CALCOCO2: variants seen among roughly 807,000 people sequenced by gnomAD.
CALCOCO2 encodes the protein calcium-binding and coiled-coil domain-containing protein 2.
CALCOCO2 carries 42 observed loss-of-function variants against 62.5 expected under a neutral mutation model. That is an observed-to-expected ratio of 0.67 (90% CI 0.53 to 0.87). CALCOCO2 has a LOEUF of 0.87. Ranked by LOEUF, CALCOCO2 falls within the 40% of genes least tolerant of loss-of-function variation. The pLI, the probability that CALCOCO2 is intolerant of heterozygous loss-of-function variation, is 0.00. For synonymous variants in CALCOCO2, 167 were observed against 173.0 expected (o/e 0.97, Z 0.27); for missense variants, 456 against 515.0 (o/e 0.89, Z 1.11).
At chr17:48,861,193 C>A (rs1436420590) in intron 11 of CALCOCO2, among the ~76,000 whole-genome samples, 1 of 151,996 alleles carries the variant, frequency 6.6e-6, no homozygotes, top group Non-Finnish European at 1.5e-5. Flanking sequence ...CGTGGTGAAA[C>A]CCTGTCTCTA....
At chr17:48,844,400 C>T (rs1287892500) in intron 2 of CALCOCO2, among the ~76,000 whole-genome samples, 3 of 151,954 alleles carry the variant, frequency 2.0e-5, no homozygotes, top group Admixed American at 6.6e-5. Flanking sequence ...TGTATTCCCC[C>T]AAGCGCTTAG....
intron 1 of CALCOCO2, among the ~76,000 whole-genome samples, chr17:48,834,956 G>A (rs777000616): frequency 3.9e-5 from 6 of 152,114 alleles, no homozygotes; most frequent in Non-Finnish European, 7.4e-5. Flanking sequence ...TTGAGGTGGA[G>A]GGTCACTTGA....
At chr17:48,859,876 C>T (rs1245285848) in intron 10 of CALCOCO2, among the ~76,000 whole-genome samples, 1 of 152,148 alleles carries the variant, frequency 6.6e-6, no homozygotes, top group African/African-American at 2.4e-5. Flanking sequence ...GGGCGGATCA[C>T]TTGTGGTCAG....
intron 2 of CALCOCO2, 178 bp from the exon 3 acceptor site, chr17:48,847,886 C>G (rs1312765164): frequency 1.9e-6 from 1 of 529,974 alleles, no homozygotes; most frequent in African/African-American, 2.0e-5. Flanking sequence ...AACTACTGAG[C>G]TCAGGCAATC....
rs182432184 is a variant in CALCOCO2, at chr17:48,858,814, G to C, written c.1009-1500G>C. Among the ~76,000 whole-genome samples the C allele has an allele frequency of 1.8e-4, 28 of 151,854 alleles. No homozygotes were observed. The East Asian group carries it at 5.4e-3, about 30-fold the overall frequency. On this transcript the variant is annotated intron_variant, in intron 10 of 12. Coordinates refer to ENST00000258947, the MANE Select transcript of CALCOCO2 (RefSeq NM_005831.5). ...TCACGCCTGTAATCCCAGCACTTTG[G>C]GAGGCCGAGGCGGGTGGATCACGAG...
In CALCOCO2 at chr17:48,864,466, A is replaced by C. The variant is rs1441657638; in HGVS notation, c.*1461A>C. Reference sequence around the variant, plus strand: ...AACTAAGTTCAATGCGCTCTATCCAAATTTGCCTAATTGAACTATAAGAAA... The same window carrying C: ...AACTAAGTTCAATGCGCTCTATCCACATTTGCCTAATTGAACTATAAGAAA... On this transcript the variant is annotated 3_prime_UTR_variant, in exon 13 of 13. Transcript: ENST00000258947. 1 of 154,116 alleles carries C rather than the reference A, an allele frequency of 6.5e-6. No homozygotes were observed. The highest frequency in any genetic ancestry group is 2.4e-5 in the African/African-American group (1 of 41,508). 9.5% of individuals were successfully genotyped at this position (154,116 alleles called of 1,614,324 possible).
intron 4 of CALCOCO2, 108 bp from the exon 5 acceptor site, chr17:48,849,144 A>C: frequency 2.1e-6 from 2 of 966,526 alleles, no homozygotes; most frequent in South Asian, 1.5e-5. Context: ...TGGGATACAT[A>C]GGTGTCACTG....
At chr17:48,845,379 G>C (rs879368553) in intron 2 of CALCOCO2, among the ~76,000 whole-genome samples, 2,119 of 72,100 alleles carry the variant, frequency 0.029, 77 homozygotes, top group East Asian at 0.095. Context: ...CACTGTGTGT[G>C]TGTGTGTGTG....
intron 12 of CALCOCO2, 66 bp from the exon 13 acceptor site, chr17:48,862,772 C>T: frequency 7.5e-7 from 1 of 1,335,062 alleles, no homozygotes; most frequent in Non-Finnish European, 1.1e-6. Context: ...CAGTGGAAGA[C>T]AGGATGGCCA....
Position 48,847,817 on chromosome 17 carries a change from A to T in CALCOCO2, c.181-247A>T, listed in dbSNP as rs988586011. 39 of 326,582 alleles carry T rather than the reference A, an allele frequency of 1.2e-4. No individual in the cohort carries two copies. In the East Asian group the frequency reaches 2.8e-3, roughly 23 times the overall value. The allele number at this position is 326,582 out of a possible 1,614,324, so 20.2% of individuals were successfully genotyped here. A position where few individuals can be genotyped will look rare whatever the true frequency, so the allele number is the denominator to read the frequency against. The stretch of plus-strand genomic sequence containing the variant: ...ATTACAGGCGCACACCACCGTGCCA[A>T]CTTATTTTTTGTATTTTAATGGAGA... On this transcript the variant is annotated intron_variant, in intron 2 of 12. Transcript: ENST00000258947.
chr17:48,856,039 G>A (rs773952651), intron 9 of CALCOCO2, 53 bp from the exon 10 acceptor site: 43 of 883,714 alleles, frequency 4.9e-5, no homozygotes, highest in South Asian at 2.5e-4. Context: ...TTCTCACCTT[G>A]TACCCAGACT....
intron 10 of CALCOCO2, among the ~76,000 whole-genome samples, chr17:48,856,949 C>A (rs2040225148): frequency 6.9e-6 from 1 of 145,908 alleles, no homozygotes; most frequent in African/African-American, 2.5e-5. Context: ...TAGGCATATG[C>A]CACCATGCCC....
At chr17:48,856,739 T>G in intron 10 of CALCOCO2, 1 of 408,128 alleles carries the variant, frequency 2.5e-6, no homozygotes, top group Non-Finnish European at 4.9e-6. Context: ...ATAAAGTGGT[T>G]GTACTTGAAG....
chr17:48,862,296 C>A lies in CALCOCO2; in HGVS notation c.1165C>A (p.Pro389Thr), dbSNP rs10278. 1.1e-5 allele frequency: 17 copies of A among 1,584,712 alleles called. No homozygotes were observed. The Admixed American group carries it at 2.0e-4, about 19-fold the overall frequency. ...PYSGIQESSSPSPLSIKKCPI... is the reference protein window; with the variant it reads ...PYSGIQESSSTSPLSIKKCPI... ...TTCAGGTATCCAAGAAAGTTCTTCC[C>A]CCAGCCCGGTAAGTATTTGATTCAT... is the stretch of plus-strand genomic sequence containing the variant. The change falls in exon 12 of 13, where the codon CCC (proline) becomes ACC (threonine). Residue 389 changes from proline (P) to threonine (T), a missense_variant. Around this residue, in one of 3 missense-constraint regions of CALCOCO2, gnomAD observed 172 missense variants for 210.3 expected, o/e 0.82. Transcript: ENST00000258947.
Position 48,852,712 on chromosome 17 carries a change from C to A in CALCOCO2, c.825+84C>A, listed in dbSNP as rs2040152615. Reference sequence around the variant, plus strand: ...TTTGTATAAAGAACATTTTAATGTTCTTTAATATACCTGGATGTCACTGGC... The same window carrying A: ...TTTGTATAAAGAACATTTTAATGTTATTTAATATACCTGGATGTCACTGGC... On this transcript the variant is annotated intron_variant, in intron 8 of 12. Transcript: ENST00000258947. 4 of 1,315,818 alleles carry A rather than the reference C, an allele frequency of 3.0e-6. No individual in the cohort carries two copies. The South Asian group carries it at 5.1e-5, about 17-fold the overall frequency. The allele number at this position is 1,315,818 out of a possible 1,614,324, so 81.5% of individuals were successfully genotyped here.
chr17:48,862,885 T>A lies in CALCOCO2; in HGVS notation c.1221T>A (p.Asp407Glu), dbSNP rs775019668. The A allele has an allele frequency of 6.2e-7, 1 of 1,614,132 alleles. No individual in the cohort carries two copies. The highest frequency in any genetic ancestry group is 2.2e-5 in the East Asian group (1 of 44,880). Residue 407 changes from aspartate to glutamate, a missense_variant, in exon 13 of 13, where the codon GAT (aspartate) becomes GAA (glutamate). Asp to Glu is a conservative substitution (Grantham distance 45, BLOSUM62 2). Coordinates refer to ENST00000258947, the MANE Select transcript of CALCOCO2 (RefSeq NM_005831.5). ...TCTGCAAAGCAGATGATATTTGTGA[T>A]CACACCTTGGAGCAACAGCAGATGC... ...CPICKADDIC[D>E]HTLEQQQMQP... is the part of the protein sequence containing the mutation.
intron 2 of CALCOCO2, chr17:48,846,375 A>T: frequency 2.9e-6 from 2 of 680,108 alleles, no homozygotes; most frequent in Admixed American, 5.2e-5. Context: ...ATGGAGCCTA[A>T]AGCAGGAAGC....
intron 11 of CALCOCO2, among the ~76,000 whole-genome samples, chr17:48,861,661 G>GTGTATATA (rs573456839): frequency 7.4e-6 from 1 of 135,152 alleles, no homozygotes; most frequent in African/African-American, 2.9e-5. Context: ...ATGTGTGTGT[G>GTGTATATA]TATATATATA....
intron 2 of CALCOCO2, among the ~76,000 whole-genome samples, chr17:48,845,532 C>T (rs1472122071): frequency 6.6e-6 from 1 of 150,794 alleles, no homozygotes; most frequent in Non-Finnish European, 1.5e-5. Context: ...GAGTTCAAGA[C>T]CAGCCGGACC....
Sources: gnomAD v4.1 joint callset for allele counts (sites outside exome capture counted in the v4.1 genomes callset) on GRCh38, gnomAD v4.1.1 for gene constraint, gnomAD v4.1.1 regional missense constraint, MANE v1.5 for transcripts, NCBI Gene and HGNC (gene_info 2026-07-23, HGNC 2026-07-21) for gene names.